Variants in VAV3 observed in about 807,000 individuals in gnomAD.
The protein encoded by VAV3 is vav guanine nucleotide exchange factor 3.
Under a neutral mutation model 131.2 loss-of-function variants are expected in VAV3, and 94 were observed. The ratio of observed to expected loss-of-function variants is 0.72; its 90% CI spans 0.61 to 0.85. The LOEUF (loss-of-function observed/expected upper bound fraction) is 0.85, where lower values mean the gene tolerates loss of function less well. VAV3 is among the 40% of genes least tolerant of loss of function. VAV3 has a pLI of 0.00. For synonymous variants in VAV3, 349 were observed against 342.0 expected, an observed-to-expected ratio of 1.02 and a Z score of -0.22; for missense variants, 939 against 1,002.7, an observed-to-expected ratio of 0.94 and a Z score of 0.86.
intron 24 of VAV3, among the ~76,000 whole-genome samples, chr1:107,598,801 T>TAC (rs35317053): frequency 0.31 from 46,404 of 149,832 alleles, 7,034 homozygotes; most frequent in Admixed American, 0.36. Flanking sequence ...GTCTCTGGAA[T>TAC]ACACACACAC....
chr1:107,615,616 A>C lies in VAV3; in HGVS notation c.1980+1951T>G, dbSNP rs1653094722. The stretch of plus-strand genomic sequence containing the variant: ...GACAAATGGGACCTAATTAAACTAA[A>C]GGGCTTCTGCACAGCAAAAGAAACT... On this transcript the variant is annotated intron_variant, in intron 21 of 26. Transcript: ENST00000370056. Among the ~76,000 whole-genome samples, 6 of 152,222 alleles carry C rather than the reference A, an allele frequency of 3.9e-5. No individual in the cohort carries two copies. In the South Asian group the frequency reaches 1.2e-3, roughly 32 times the overall value.
intron 15 of VAV3, among the ~76,000 whole-genome samples, chr1:107,717,809 C>T (rs1004199541): frequency 1.2e-4 from 18 of 152,246 alleles, no homozygotes; most frequent in African/African-American, 2.2e-4. Flanking sequence ...TCTTCTGTCT[C>T]GTTCATCTGT....
chr1:107,821,750 T>C (rs1340435215), intron 2 of VAV3, among the ~76,000 whole-genome samples: 3 of 152,158 alleles, frequency 2.0e-5, no homozygotes, highest in Non-Finnish European at 4.4e-5. Context: ...TGGAAATAGA[T>C]TGCAGGAAGG....
At chr1:107,657,500 A>G (rs943789398) in intron 19 of VAV3, among the ~76,000 whole-genome samples, 1 of 152,222 alleles carries the variant, frequency 6.6e-6, no homozygotes, top group East Asian at 1.9e-4. Flanking sequence ...CGGCTAAGAA[A>G]GAATTGTTAT....
intron 1 of VAV3, among the ~76,000 whole-genome samples, chr1:107,953,055 C>CT (rs1674632521): frequency 6.6e-6 from 1 of 152,162 alleles, no homozygotes; most frequent in Non-Finnish European, 1.5e-5. Flanking sequence ...TTTGAAAGCA[C>CT]TTTTCCAGTC....
Position 107,933,367 on chromosome 1 carries a change from T to TA in VAV3, c.204+31298dup, listed in dbSNP as rs564679209. Among the ~76,000 whole-genome samples the TA allele has an allele frequency of 2.0e-3, 300 of 152,148 alleles. 1 individual carries two copies. The highest frequency in any genetic ancestry group is 6.5e-3 in the African/African-American group (268 of 41,524). On this transcript the variant is annotated intron_variant, in intron 1 of 26. Coordinates refer to ENST00000370056, the MANE Select transcript of VAV3 (RefSeq NM_006113.5). ...TACCCTTTATAAGCAAAGGATATCT[T>TA]AGACTCATTGCTCTTGAAAATCTGA...
chr1:107,793,057 T>C (rs915549692), intron 2 of VAV3, among the ~76,000 whole-genome samples: 4 of 152,196 alleles, frequency 2.6e-5, no homozygotes, highest in Non-Finnish European at 5.9e-5. Context: ...GTTATACATA[T>C]GCATGCACAC....
chr1:107,582,728 C>T (rs1443880916), intron 25 of VAV3, among the ~76,000 whole-genome samples: 1 of 152,070 alleles, frequency 6.6e-6, no homozygotes, highest in African/African-American at 2.4e-5. Flanking sequence ...CATGTCCCTA[C>T]AAAGGACATG....
At chr1:107,690,295 T>G (rs532345046) in intron 17 of VAV3, among the ~76,000 whole-genome samples, 2 of 152,274 alleles carry the variant, frequency 1.3e-5, no homozygotes, top group South Asian at 4.1e-4. Flanking sequence ...CCATGAGGGT[T>G]CTCTGGGTGA....
chr1:107,577,558 A>T (rs545485145), intron 25 of VAV3, among the ~76,000 whole-genome samples: 35 of 152,356 alleles, frequency 2.3e-4, no homozygotes, highest in African/African-American at 7.9e-4. Context: ...TGGAATATAA[A>T]CAAAAGTGTC....
At chr1:107,824,179 G>GT (rs1436317259) in intron 2 of VAV3, among the ~76,000 whole-genome samples, 1 of 152,138 alleles carries the variant, frequency 6.6e-6, no homozygotes, top group Non-Finnish European at 1.5e-5. Flanking sequence ...GTTGATAAAA[G>GT]TAATTGTAAT....
chr1:107,668,901 G>GT (rs1233344871), intron 19 of VAV3: 1 of 986,314 alleles, frequency 1.0e-6, no homozygotes, highest in Non-Finnish European at 1.2e-6. Flanking sequence ...GAGGCATGCT[G>GT]TAACAGTTAG....
intron 24 of VAV3, among the ~76,000 whole-genome samples, chr1:107,599,679 A>G (rs1422452240): frequency 6.6e-6 from 1 of 151,990 alleles, no homozygotes; most frequent in Admixed American, 6.6e-5. Context: ...GAAAAAGGTT[A>G]GGTCAAAACC....
At chr1:107,954,514 G>C (rs1041758757) in intron 1 of VAV3, among the ~76,000 whole-genome samples, 1 of 149,452 alleles carries the variant, frequency 6.7e-6, no homozygotes, top group African/African-American at 2.5e-5. Flanking sequence ...AAATCATCCA[G>C]ATTCAGTATC....
intron 19 of VAV3, among the ~76,000 whole-genome samples, chr1:107,656,898 A>C (rs1656604216): frequency 6.6e-6 from 1 of 151,038 alleles, no homozygotes; most frequent in Non-Finnish European, 1.5e-5. Flanking sequence ...ATATACAACA[A>C]CACACAACAC....
intron 2 of VAV3, among the ~76,000 whole-genome samples, chr1:107,873,472 T>C (rs960977762): frequency 5.9e-5 from 9 of 152,222 alleles, no homozygotes; most frequent in African/African-American, 1.9e-4. Flanking sequence ...TCAAGGAAGA[T>C]TTTTTTAAAG....
chr1:107,682,004 A>G (rs151284252), intron 19 of VAV3, among the ~76,000 whole-genome samples: 5 of 152,304 alleles, frequency 3.3e-5, no homozygotes, highest in African/African-American at 1.2e-4. Flanking sequence ...TTCTCTTGTA[A>G]GTTTATTCTT....
intron 1 of VAV3, among the ~76,000 whole-genome samples, chr1:107,953,357 T>C (rs1193934540): frequency 6.6e-6 from 1 of 152,154 alleles, no homozygotes; most frequent in Non-Finnish European, 1.5e-5. Flanking sequence ...TTAAATATTT[T>C]CATTCTCACC....
At position 107,639,218 on chromosome 1, in the gene VAV3, C is replaced by G. The variant is rs560360210; in HGVS notation, c.1914+3401G>C. 9.6e-4 allele frequency among the ~76,000 whole-genome samples: 146 copies of G among 151,962 alleles called. 1 individual carries two copies. The Middle Eastern group carries it at 0.031, about 32-fold the overall frequency. ...TAAATGTAAAACCTAAAACTATAAG[C>G]CTTCTAGAAGATAACAAAGGAGAAT... is the stretch of plus-strand genomic sequence containing the variant. On this transcript the variant is annotated intron_variant, in intron 20 of 26. Coordinates refer to ENST00000370056, the MANE Select transcript of VAV3 (RefSeq NM_006113.5).
Sources: allele counts gnomAD v4.1 joint callset (sites outside exome capture counted in the v4.1 genomes callset), GRCh38; gene constraint gnomAD v4.1.1; transcripts MANE v1.5; gene names NCBI Gene and HGNC (gene_info 2026-07-23, HGNC 2026-07-21).